CAST: variants seen among roughly 807,000 people sequenced by gnomAD.
CAST encodes calpastatin, also known as MIR583 host.
CAST carries 76 observed loss-of-function variants against 119.6 expected under a neutral mutation model. That is an observed-to-expected ratio of 0.64 (90% CI 0.53 to 0.77). The LOEUF (loss-of-function observed/expected upper bound fraction) is 0.77. Ranked by LOEUF, CAST falls within the 30% of genes least tolerant of loss-of-function variation. The pLI, the probability that CAST is intolerant of heterozygous loss-of-function variation, is 0.00. For synonymous variants in CAST, 319 were observed against 331.6 expected (o/e 0.96, Z 0.41); for missense variants, 953 against 946.5 (o/e 1.01, Z -0.09).
chr5:96,734,178 A>G (rs965447862), intron 9 of CAST, among the ~76,000 whole-genome samples: 2 of 152,224 alleles, frequency 1.3e-5, no homozygotes, highest in African/African-American at 2.4e-5. Context: ...GTACATTCCA[A>G]CGTGGGTGAA....
At chr5:96,617,421 G>C (rs1747482771) in intron 1 of CAST, among the ~76,000 whole-genome samples, 1 of 152,084 alleles carries the variant, frequency 6.6e-6, no homozygotes, top group Non-Finnish European at 1.5e-5. Flanking sequence ...AAAAGAAAGG[G>C]ACAGAGCTTG....
intron 20 of CAST, among the ~76,000 whole-genome samples, chr5:96,753,287 A>G (rs988361498): frequency 6.6e-6 from 1 of 152,178 alleles, no homozygotes; most frequent in African/African-American, 2.4e-5. Flanking sequence ...GGTGTGAGCC[A>G]CTGTGCCTGG....
At chr5:96,288,147 G>A in the CAST span, among the ~76,000 whole-genome samples, 13 of 152,110 alleles carry the variant, frequency 8.5e-5, no homozygotes, top group Non-Finnish European at 1.9e-4. Context: ...ACAAGAGCAA[G>A]AAAATTGTGA....
At chr5:96,638,392 C>T (rs975485589) in intron 1 of CAST, among the ~76,000 whole-genome samples, 2 of 152,032 alleles carry the variant, frequency 1.3e-5, no homozygotes, top group South Asian at 2.1e-4. Flanking sequence ...GGCAACAGAG[C>T]GAGACTCCAT....
At chr5:96,406,792 T>C in the CAST span, among the ~76,000 whole-genome samples, 1 of 152,246 alleles carries the variant, frequency 6.6e-6, no homozygotes, top group Non-Finnish European at 1.5e-5. Flanking sequence ...AATCTCCTTA[T>C]TAGGAAGGAT....
chr5:96,210,405 G>T, the CAST span, among the ~76,000 whole-genome samples: 2 of 151,852 alleles, frequency 1.3e-5, no homozygotes, highest in Non-Finnish European at 2.9e-5. Context: ...TTATTTTCCC[G>T]TAGATGTGCA....
At chr5:96,326,863 G>T in the CAST span, among the ~76,000 whole-genome samples, 1 of 151,982 alleles carries the variant, frequency 6.6e-6, no homozygotes, top group Non-Finnish European at 1.5e-5. Context: ...ACTTATTTTA[G>T]GTTTCAACAC....
At chr5:96,664,762 TC>T (rs1749104859) in intron 1 of CAST, among the ~76,000 whole-genome samples, 1 of 152,236 alleles carries the variant, frequency 6.6e-6, no homozygotes, top group African/African-American at 2.4e-5. Context: ...AATTCCAATT[TC>T]CCTTGAGATA....
chr5:96,662,405 G>A lies in CAST; in HGVS notation c.-18G>A. 12 of 1,377,684 alleles carry A rather than the reference G, an allele frequency of 8.7e-6. No individual in the cohort carries two copies. Among genetic ancestry groups the A allele is most frequent in the Non-Finnish European group, 1.0e-5 (11 of 1,069,766 alleles). The allele number at this position is 1,377,684 out of a possible 1,614,324, so 85.3% of individuals were successfully genotyped here. ...TCCGCGGCGCATTCCGGGAGGCAGC[G>A]GCCGCAGCGGCCTCGCCATGTCCCA... On this transcript the variant is annotated 5_prime_UTR_variant, in exon 1 of 32. Coordinates refer to ENST00000675179, the MANE Select transcript of CAST (RefSeq NM_001750.7).
chr5:96,574,631 T>G (rs1020170761), intron 1 of CAST, among the ~76,000 whole-genome samples: 1 of 152,188 alleles, frequency 6.6e-6, no homozygotes, highest in Non-Finnish European at 1.5e-5. Flanking sequence ...TCTCAAATTT[T>G]CCTTGTGTTT....
the CAST span, among the ~76,000 whole-genome samples, chr5:96,081,944 C>T: frequency 2.6e-5 from 4 of 152,174 alleles, no homozygotes; most frequent in East Asian, 1.9e-4. Context: ...GGCAGAGTCT[C>T]GCTCTGTCGC....
At chr5:96,079,863 G>A in the CAST span, among the ~76,000 whole-genome samples, 263 of 151,974 alleles carry the variant, frequency 1.7e-3, no homozygotes, top group African/African-American at 6.0e-3. Flanking sequence ...CTATGATGAG[G>A]ATATGCCTTA....
chr5:96,654,672 G>C (rs1748133762), intron 1 of CAST, among the ~76,000 whole-genome samples: 1 of 152,046 alleles, frequency 6.6e-6, no homozygotes, highest in Non-Finnish European at 1.5e-5. Context: ...ATAACTTGCT[G>C]TTATATCAAA....
intron 1 of CAST, among the ~76,000 whole-genome samples, chr5:96,632,238 C>G (rs1293834527): frequency 1.3e-5 from 2 of 151,616 alleles, no homozygotes; most frequent in African/African-American, 4.8e-5. Flanking sequence ...ATTCTGGATA[C>G]TATAGATACT....
chr5:96,512,439 T>G, the CAST span, among the ~76,000 whole-genome samples: 1 of 152,220 alleles, frequency 6.6e-6, no homozygotes, highest in African/African-American at 2.4e-5. Flanking sequence ...AGAAGGGTAG[T>G]AGGGCTTATG....
the CAST span, among the ~76,000 whole-genome samples, chr5:96,308,530 A>T: frequency 1.3e-5 from 2 of 151,884 alleles, no homozygotes; most frequent in Admixed American, 1.3e-4. Context: ...GCGGGAGAGG[A>T]GGCGTTCTGG....
the CAST span, among the ~76,000 whole-genome samples, chr5:96,241,671 G>C: frequency 5.1e-4 from 72 of 141,430 alleles, no homozygotes; most frequent in African/African-American, 1.6e-3. Flanking sequence ...CTAGTTTACA[G>C]TCCCACCAAC....
the CAST span, among the ~76,000 whole-genome samples, chr5:96,209,034 G>C: frequency 6.6e-5 from 10 of 151,992 alleles, no homozygotes; most frequent in Non-Finnish European, 1.0e-4. Context: ...ATTTAGGGTA[G>C]TTAGGTCTTC....
the CAST span, chr5:96,397,280 G>A: frequency 4.0e-6 from 6 of 1,490,584 alleles, no homozygotes; most frequent in Non-Finnish European, 5.6e-6. Flanking sequence ...CCTTAAAAGT[G>A]CTTCAAAATG....
Sources: allele counts gnomAD v4.1 joint callset (sites outside exome capture counted in the v4.1 genomes callset), GRCh38; gene constraint gnomAD v4.1.1; transcripts MANE v1.5; gene names NCBI Gene and HGNC (gene_info 2026-07-23, HGNC 2026-07-21).